PRH1: variants seen among roughly 807,000 people sequenced by gnomAD.
The protein encoded by PRH1 is proline rich protein HaeIII subfamily 1.
PRH1 carries 7 observed loss-of-function variants against 7.9 expected under a neutral mutation model. That is an observed-to-expected ratio of 0.89 (90% CI 0.50 to 1.67). The LOEUF (loss-of-function observed/expected upper bound fraction) is 1.67, where lower values mean the gene tolerates loss of function less well. Ranked by LOEUF, PRH1 falls within the 40% of genes most tolerant of loss-of-function variation. The pLI is 0.00. For synonymous variants in PRH1, 45 were observed against 80.8 expected, an observed-to-expected ratio of 0.56 and a Z score of 2.38; for missense variants, 109 against 223.6, an observed-to-expected ratio of 0.49 and a Z score of 3.27.
chr12:11,045,048 A>G (rs1287386964), intron 1 of PRH1, among the ~76,000 whole-genome samples: 1 of 152,204 alleles, frequency 6.6e-6, no homozygotes, highest in East Asian at 1.9e-4. Context: ...ATGATTTGGA[A>G]GCAACCTGAG....
intron 1 of PRH1, chr12:11,133,112 G>GT: frequency 1.4e-6 from 1 of 709,780 alleles, no homozygotes; most frequent in Non-Finnish European, 1.9e-6. Flanking sequence ...ATGTTCTTCA[G>GT]TTTTTCATAC....
chr12:11,031,748 C>T (rs77847958), intron 1 of PRH1, among the ~76,000 whole-genome samples: 178 of 152,162 alleles, frequency 1.2e-3, no homozygotes, highest in African/African-American at 3.5e-3. Context: ...AGCTACAGAG[C>T]GCTGATTGCT....
At position 11,095,557 on chromosome 12, in the gene PRH1, AG is replaced by A. The variant is rs1236759429; in HGVS notation, n.124-48370del. ...CAATAAGACCCTTTATTGGCCAGGC[AG>A]GGTAGCTCACACCCATAATCCCAAC... On this transcript the variant is annotated intron_variant and non_coding_transcript_variant, in intron 1 of 4. Coordinates refer to the PRH1 transcript ENST00000541977. 3.0e-5 allele frequency among the ~76,000 whole-genome samples: 3 copies of A among 101,410 alleles called. 1 individual carries two copies. The highest frequency in any genetic ancestry group is 1.0e-4 in the African/African-American group (3 of 29,574). The allele number at this position is 101,410 out of a possible 152,430, so 66.5% of individuals were successfully genotyped here. A position where few individuals can be genotyped will look rare whatever the true frequency, so the allele number is the denominator to read the frequency against.
intron 2 of PRH1, among the ~76,000 whole-genome samples, chr12:10,957,393 T>C (rs139590937): frequency 2.0e-5 from 3 of 152,230 alleles, no homozygotes; most frequent in East Asian, 3.9e-4. Flanking sequence ...ACCTTTCTTA[T>C]ACATACACAA....
intron 2 of PRH1, among the ~76,000 whole-genome samples, chr12:10,911,991 G>C (rs937490027): frequency 6.6e-6 from 1 of 152,058 alleles, no homozygotes; most frequent in African/African-American, 2.4e-5. Flanking sequence ...CTAAGCACTA[G>C]CTTGGTTTTG....
chr12:11,169,457 G>A (rs543070295), intron 1 of PRH1, among the ~76,000 whole-genome samples: 7 of 152,198 alleles, frequency 4.6e-5, no homozygotes, highest in African/African-American at 1.7e-4. Flanking sequence ...CCCTCAATCT[G>A]GCCATGTTAT....
At chr12:10,904,775 A>T (rs1465912545) in intron 2 of PRH1, among the ~76,000 whole-genome samples, 3 of 152,194 alleles carry the variant, frequency 2.0e-5, no homozygotes, top group East Asian at 3.8e-4. Context: ...CAAACTATGC[A>T]TGCAACAAGG....
At chr12:11,163,131 T>C (rs2136458927) in intron 1 of PRH1, among the ~76,000 whole-genome samples, 1 of 152,270 alleles carries the variant, frequency 6.6e-6, no homozygotes, top group South Asian at 2.1e-4. Context: ...ATACTAAAGT[T>C]GGAACAATTA....
intron 2 of PRH1, among the ~76,000 whole-genome samples, chr12:10,898,859 A>G (rs1011412034): frequency 6.6e-6 from 1 of 152,242 alleles, no homozygotes. Flanking sequence ...CATTGGATGT[A>G]CCTAGTGTGT....
chr12:10,979,847 AT>A (rs1939272074), intron 1 of PRH1, among the ~76,000 whole-genome samples: 1 of 152,132 alleles, frequency 6.6e-6, no homozygotes, highest in Non-Finnish European at 1.5e-5. Context: ...CGTGGACTCT[AT>A]GTTTTTTGTC....
At chr12:11,134,385 A>G in intron 1 of PRH1, 1 of 1,081,654 alleles carries the variant, frequency 9.2e-7, no homozygotes, top group Non-Finnish European at 1.3e-6. Flanking sequence ...AATTGCTGTG[A>G]CCAGTGTCAA....
chr12:10,923,799 G>A (rs1432141958), intron 2 of PRH1, among the ~76,000 whole-genome samples: 1 of 152,050 alleles, frequency 6.6e-6, no homozygotes, highest in East Asian at 1.9e-4. Context: ...GAACATAGTC[G>A]TGTTTTGTTT....
Position 10,921,187 on chromosome 12 carries a change from A to G in PRH1, c.-58-36912T>C, listed in dbSNP as rs578214746. 5.6e-4 allele frequency among the ~76,000 whole-genome samples: 85 copies of G among 152,062 alleles called. 2 individuals are homozygous for G. The South Asian group carries it at 0.017, about 31-fold the overall frequency. On this transcript the variant is annotated intron_variant, in intron 2 of 3. Transcript: ENST00000539853. ...TTACTCACTTTGAGAATAATTTTTT[A>G]ACTTCTTAAAATAAATGAGAATAAA...
upstream of PRH1, among the ~76,000 whole-genome samples, chr12:10,887,724 A>T (rs1182081361): frequency 1.3e-5 from 2 of 152,066 alleles, no homozygotes; most frequent in African/African-American, 2.4e-5. Context: ...ACAAAAAAAA[A>T]ATTATATCTA....
chr12:11,157,345 T>C (rs894202143), intron 1 of PRH1, among the ~76,000 whole-genome samples: 6 of 152,178 alleles, frequency 3.9e-5, no homozygotes, highest in African/African-American at 1.4e-4. Context: ...TCTTATAACA[T>C]GGCTTAATAT....
chr12:10,973,343 T>C (rs1434312413), intron 2 of PRH1: 3 of 225,594 alleles, frequency 1.3e-5, no homozygotes, highest in Non-Finnish European at 2.6e-5. Context: ...CAACCTTGGA[T>C]TGTATTTCTT....
chr12:11,069,210 T>C (rs77171372), intron 1 of PRH1, among the ~76,000 whole-genome samples: 64,049 of 120,164 alleles, frequency 0.53, 13,911 homozygotes, highest in Non-Finnish European at 0.62. Flanking sequence ...AGCCACAGCA[T>C]CCAACCTGGT....
chr12:11,064,023 C>T (rs1373603783), intron 1 of PRH1, among the ~76,000 whole-genome samples: 1 of 151,996 alleles, frequency 6.6e-6, no homozygotes, highest in Non-Finnish European at 1.5e-5. Context: ...ATGGGAAATA[C>T]CGCAGTGTAT....
At chr12:10,931,401 T>A (rs1045650237) in intron 2 of PRH1, among the ~76,000 whole-genome samples, 5 of 152,186 alleles carry the variant, frequency 3.3e-5, no homozygotes, top group African/African-American at 1.2e-4. Context: ...TATTTAAAGT[T>A]TTACCTGAAC....
Sources: gnomAD v4.1 joint callset for allele counts (sites outside exome capture counted in the v4.1 genomes callset) on GRCh38, gnomAD v4.1.1 for gene constraint, MANE v1.5 for transcripts, NCBI Gene and HGNC (gene_info 2026-07-23, HGNC 2026-07-21) for gene names.